ZNF276: variants seen among roughly 807,000 people sequenced by gnomAD.
The protein encoded by ZNF276 is centromere protein Z.
ZNF276 carries 59 observed loss-of-function variants against 63.9 expected under a neutral mutation model. That is an observed-to-expected ratio of 0.92 (90% CI 0.75 to 1.15). ZNF276 has a LOEUF of 1.15. ZNF276 is among the 50% of genes most tolerant of loss of function. The pLI, the probability that ZNF276 is intolerant of heterozygous loss-of-function variation, is 0.00. For missense variants in ZNF276, 1,084 were observed against 843.8 expected, an observed-to-expected ratio of 1.28 and a Z score of -3.53; for synonymous variants, 496 against 348.4, an observed-to-expected ratio of 1.42 and a Z score of -4.72.
Position 89,721,698 on chromosome 16 carries a change from G to C in ZNF276, c.58G>C (p.Ala20Pro). The change falls in exon 1 of 11, where the codon GCC (alanine) becomes CCC (proline). Residue 20 changes from alanine to proline, a missense_variant. Ala to Pro is a conservative substitution (Grantham distance 27). Coordinates refer to ENST00000443381, the MANE Select transcript of ZNF276 (RefSeq NM_001113525.2). The part of the protein sequence containing the change: ...LSPGSSRQCG[A>P]SDGGGGVSRT... Reference sequence around the variant, plus strand: ...TCCTGGGTCGTCCCGACAGTGCGGGGCCTCGGACGGCGGCGGCGGCGTCAG... The same window carrying C: ...TCCTGGGTCGTCCCGACAGTGCGGGCCCTCGGACGGCGGCGGCGGCGTCAG... The C allele has an allele frequency of 7.2e-7, 1 of 1,384,328 alleles. No homozygotes were observed. Among genetic ancestry groups the C allele is most frequent in the Non-Finnish European group, 9.3e-7 (1 of 1,070,428 alleles). The allele number at this position is 1,384,328 out of a possible 1,614,324, so 85.8% of individuals were successfully genotyped here. A position where few individuals can be genotyped will look rare whatever the true frequency, so the allele number is the denominator to read the frequency against.
chr16:89,737,644 C>T, intron 9 of ZNF276, 162 bp from the exon 10 acceptor site: 1 of 1,383,260 alleles, frequency 7.2e-7, no homozygotes, highest in Non-Finnish European at 9.6e-7. Context: ...GTTTAAAGAT[C>T]TTAATAAACG....
intron 8 of ZNF276, 98 bp from the exon 9 acceptor site, chr16:89,733,823 G>GC (rs1214773098): frequency 8.7e-7 from 1 of 1,149,778 alleles, no homozygotes; most frequent in Admixed American, 1.8e-5. Context: ...GGAGGAGTTG[G>GC]ATCTGCCTTC....
chr16:89,739,262 C>A lies in ZNF276; in HGVS notation c.*1016C>A, dbSNP rs755479861. 9 of 1,614,042 alleles carry A rather than the reference C, an allele frequency of 5.6e-6. No individual in the cohort carries two copies. The highest frequency in any genetic ancestry group is 1.7e-5 in the Admixed American group (1 of 60,006). ...GCAGGAAGGCCTCTTCCCTGATGGC[C>A]GCGTCTTCATGGAAGTAGGAGAGAA... is the stretch of plus-strand genomic sequence containing the variant. On this transcript the variant is annotated 3_prime_UTR_variant, in exon 11 of 11. Transcript: ENST00000443381.
In ZNF276 at chr16:89,738,643, A is replaced by G. The variant is rs1555532716; in HGVS notation, c.*397A>G. The G allele has an allele frequency of 3.7e-6, 6 of 1,613,678 alleles. No individual in the cohort carries two copies. Among genetic ancestry groups the G allele is most frequent in the Non-Finnish European group, 5.1e-6 (6 of 1,180,036 alleles). ...CCTGGGACAGGTCAGCGTCAGGGGC[A>G]GCCTGCTGTCTGCTCTGGAGGGCGG... On this transcript the variant is annotated 3_prime_UTR_variant, in exon 11 of 11. Coordinates refer to ENST00000443381, the MANE Select transcript of ZNF276 (RefSeq NM_001113525.2).
intron 2 of ZNF276, 81 bp from the exon 3 acceptor site, chr16:89,723,055 AG>A: frequency 1.2e-6 from 2 of 1,610,668 alleles, no homozygotes; most frequent in Non-Finnish European, 8.5e-7. Flanking sequence ...CTGAGGTTTG[AG>A]ATCTCGAGAG....
chr16:89,737,928 T>G, intron 10 of ZNF276, 23 bp downstream of exon 10: 11 of 629,258 alleles, frequency 1.7e-5, no homozygotes, highest in Non-Finnish European at 2.2e-5. Context: ...CAGGACCCCC[T>G]CCCAGGGCTG....
upstream of ZNF276, chr16:89,721,298 G>C (rs998056953): frequency 2.0e-5 from 5 of 250,820 alleles, no homozygotes; most frequent in African/African-American, 1.1e-4. Context: ...TGAGGGCCGC[G>C]TCGCCTCTCC....
chr16:89,725,172 C>T (rs900494227), intron 4 of ZNF276, among the ~76,000 whole-genome samples: 1 of 149,146 alleles, frequency 6.7e-6, no homozygotes, highest in Non-Finnish European at 1.5e-5. Context: ...CTCAGCCTCC[C>T]GAGTAGCTGG....
chr16:89,730,816 C>T (rs918554161), intron 6 of ZNF276, among the ~76,000 whole-genome samples: 9 of 152,214 alleles, frequency 5.9e-5, no homozygotes, highest in Non-Finnish European at 1.0e-4. Context: ...TGCTGCCTCC[C>T]AGTCTTGTCA....
At position 89,729,236 on chromosome 16, in the gene ZNF276, G is replaced by T; in HGVS notation, c.1087G>T (p.Asp363Tyr). The change falls in exon 6 of 11, where the codon GAC (aspartate) becomes TAC (tyrosine). Residue 363 changes from aspartate (D) to tyrosine (Y), a missense_variant and splice_region_variant. Physicochemically the swap from Asp to Tyr is radical, Grantham distance 160. Coordinates refer to ENST00000443381, the MANE Select transcript of ZNF276 (RefSeq NM_001113525.2). ...KDEFSDLSEG[D>Y]VLSEDENDKK... The stretch of plus-strand genomic sequence containing the variant: ...TGAAGATTCTCTCTTAATTCCTAGA[G>T]ACGTCTTGAGTGAAGATGAAAATGA... 2 of 1,614,000 alleles carry T rather than the reference G, an allele frequency of 1.2e-6. No homozygotes were observed. Among genetic ancestry groups the T allele is most frequent in the South Asian group, 1.1e-5 (1 of 91,078 alleles).
In ZNF276 at chr16:89,738,514, C is replaced by T; in HGVS notation, c.*268C>T. On this transcript the variant is annotated 3_prime_UTR_variant, in exon 11 of 11. Transcript: ENST00000443381. ...AAAGCAGTCGAGGAGATTTGTAATC[C>T]ACTTTTTAGTGCAACAAGAGCTCCA... 1 of 1,589,166 alleles carries T rather than the reference C, an allele frequency of 6.3e-7. No homozygotes were observed. Among genetic ancestry groups the T allele is most frequent in the South Asian group, 1.1e-5 (1 of 90,362 alleles).
chr16:89,732,667 T>TCCTCGC (rs2061694428), intron 6 of ZNF276: 1 of 186,560 alleles, frequency 5.4e-6, no homozygotes, highest in East Asian at 1.6e-4. Flanking sequence ...GTACCCTGCG[T>TCCTCGC]CCTCGCCCTC....
upstream of ZNF276, chr16:89,720,705 C>G (rs2061238769): frequency 3.7e-6 from 5 of 1,338,328 alleles, no homozygotes; most frequent in South Asian, 1.9e-5. Context: ...CCTCCCCGGG[C>G]GGGGGTCCCT....
Position 89,739,500 on chromosome 16 carries a change from G to C in ZNF276, c.*1254G>C, listed in dbSNP as rs2062068855. ...TACCTGTAAAAAGCGAAAGGCAGCA[G>C]CCTGGTGTGCTGATCCGGGGCCACA... On this transcript the variant is annotated 3_prime_UTR_variant, in exon 11 of 11. Coordinates refer to ENST00000443381, the MANE Select transcript of ZNF276 (RefSeq NM_001113525.2). The C allele has an allele frequency of 1.3e-6, 2 of 1,551,362 alleles. No individual in the cohort carries two copies. Among genetic ancestry groups the C allele is most frequent in the East Asian group, 4.9e-5 (2 of 40,956 alleles).
chr16:89,733,133 G>A (rs965275900), intron 6 of ZNF276, 169 bp from the exon 7 acceptor site: 1 of 663,654 alleles, frequency 1.5e-6, no homozygotes, highest in Admixed American at 2.8e-5. Flanking sequence ...GAGGCCTCCT[G>A]TCCAGAGTTG....
intron 10 of ZNF276, 23 bp downstream of exon 10, chr16:89,737,928 T>A (rs62704561): frequency 3.2e-6 from 2 of 629,268 alleles, no homozygotes; most frequent in South Asian, 3.1e-5. Flanking sequence ...CAGGACCCCC[T>A]CCCAGGGCTG....
chr16:89,731,866 G>A (rs1434925143), intron 6 of ZNF276: 1 of 152,246 alleles, frequency 6.6e-6, no homozygotes, highest in Non-Finnish European at 1.5e-5. Flanking sequence ...TGGATCTTTA[G>A]GGTTTTCTAC....
intron 9 of ZNF276, among the ~76,000 whole-genome samples, chr16:89,735,600 A>G (rs1440513143): frequency 6.6e-6 from 1 of 152,180 alleles, no homozygotes. Flanking sequence ...GGCCGGGTGC[A>G]GTGGCTCATG....
At position 89,723,444 on chromosome 16, in the gene ZNF276, C is replaced by T. The variant is rs774253374; in HGVS notation, c.741C>T (p.Ser247=). ...ACTACACCATGGATACCAGCTCCAG[C>T]TGCAAGGCCTTCTTGCTGGACAGTG... ...GHDYTMDTSS[S]CKAFLLDSAL... is the part of the protein sequence containing the mutation. The change falls in exon 4 of 11, where the codon AGC becomes AGT. Residue 247 remains serine (S), a synonymous_variant. Transcript: ENST00000443381. The T allele has an allele frequency of 2.5e-6, 4 of 1,612,954 alleles. No homozygotes were observed. Among genetic ancestry groups the T allele is most frequent in the Non-Finnish European group, 3.4e-6 (4 of 1,180,052 alleles).
Sources: gnomAD v4.1 joint callset for allele counts (sites outside exome capture counted in the v4.1 genomes callset) on GRCh38, gnomAD v4.1.1 for gene constraint, MANE v1.5 for transcripts, NCBI Gene and HGNC (gene_info 2026-07-23, HGNC 2026-07-21) for gene names.